Variants in PIEZO2 observed in about 807,000 individuals in gnomAD.
PIEZO2 encodes piezo type mechanosensitive ion channel component 2.
In PIEZO2, 172 loss-of-function variants were observed where a neutral mutation model predicts 337.3. The ratio of observed to expected loss-of-function variants is 0.51; its 90% confidence interval spans 0.45 to 0.58. The LOEUF is 0.58. Ranked by LOEUF, PIEZO2 falls within the 20% of genes least tolerant of loss-of-function variation. PIEZO2 has a pLI of 0.00. For missense variants in PIEZO2, 3,028 were observed against 3,391.3 expected (o/e 0.89, Z 2.66); for synonymous variants, 1,251 against 1,228.5 (o/e 1.02, Z -0.38).
At position 10,699,107 on chromosome 18, in the gene PIEZO2, A is replaced by G. The variant is rs1028063488; in HGVS notation, c.6512T>C (p.Leu2171Pro). 5.9e-6 allele frequency: 9 copies of G among 1,537,132 alleles called. No homozygotes were observed. The highest frequency in any genetic ancestry group is 3.9e-5 in the Admixed American group (2 of 50,994). The change falls in exon 44 of 56, where the codon CTC becomes CCC. Residue 2171 changes from leucine to proline, a missense_variant. Transcript: ENST00000674853. The part of the protein sequence containing the change: ...GMAREESDDE[L>P]SLGHGRRDSS... ...GTCCCTCCTGCCATGACCGAGGGAG[A>G]GCTCATCATCTGATTCCTCCCTGGC...
At chr18:11,014,316 C>T (rs1446683739) in intron 2 of PIEZO2, among the ~76,000 whole-genome samples, 4 of 72,800 alleles carry the variant, frequency 5.5e-5, no homozygotes, top group Admixed American at 2.7e-4. Context: ...GGTGGGACAG[C>T]GATCCGGGGC....
chr18:10,982,669 G>A lies in PIEZO2; in HGVS notation c.161-3009C>T, dbSNP rs1169445207. On this transcript the variant is annotated intron_variant, in intron 2 of 55. Transcript: ENST00000674853. The surrounding 1 kb of genome is among the most constrained non-coding windows in gnomAD (Gnocchi z 4.1). ...ATTTTGAAGAATACGATCGAAAGTG[G>A]GTGAGGTTGGTGTATCATAGCAGAT... Among the ~76,000 whole-genome samples, 2 of 152,052 alleles carry A rather than the reference G, an allele frequency of 1.3e-5. No homozygotes were observed. The highest frequency in any genetic ancestry group is 2.9e-5 in the Non-Finnish European group (2 of 67,998).
At chr18:10,931,663 C>G (rs1271880198) in intron 3 of PIEZO2, among the ~76,000 whole-genome samples, 1 of 151,980 alleles carries the variant, frequency 6.6e-6, no homozygotes, top group East Asian at 1.9e-4. Flanking sequence ...TTTCTGTTCT[C>G]TCTCCCTCTC....
rs188452773 is a variant in PIEZO2, at chr18:10,875,899, T to C, written c.330-4484A>G. On this transcript the variant is annotated intron_variant, in intron 4 of 55. Transcript: ENST00000674853. The stretch of plus-strand genomic sequence containing the variant: ...AAAGCAATTACTCCACCTGCTGTGA[T>C]AGAATTTAGCTACTGAATCCAGAAT... 5.9e-5 allele frequency among the ~76,000 whole-genome samples: 9 copies of C among 152,362 alleles called. No individual in the cohort carries two copies. The East Asian group carries it at 1.5e-3, about 26-fold the overall frequency.
At chr18:11,141,119 T>C (rs1024576594) in intron 1 of PIEZO2, among the ~76,000 whole-genome samples, 1 of 152,188 alleles carries the variant, frequency 6.6e-6, no homozygotes, top group Non-Finnish European at 1.5e-5. Context: ...TTGTCTTATC[T>C]AAGCATCATT....
Position 10,819,213 on chromosome 18 carries a change from A to G in PIEZO2, c.918-11939T>C, listed in dbSNP as rs997950647. ...GGAATAATTACATGGGTAATTTAAC[A>G]GTGGATTTGGATAAAACTGGAGGCA... On this transcript the variant is annotated intron_variant, in intron 7 of 55. Coordinates refer to ENST00000674853, the MANE Select transcript of PIEZO2 (RefSeq NM_001378183.1). This position sits in a 1 kb window ranked among gnomAD's most constrained non-coding sequence, Gnocchi z 4.3. Among the ~76,000 whole-genome samples, 3 of 152,242 alleles carry G rather than the reference A, an allele frequency of 2.0e-5. No individual in the cohort carries two copies. Among genetic ancestry groups the G allele is most frequent in the South Asian group, 2.1e-4 (1 of 4,830 alleles).
At position 11,109,631 on chromosome 18, in the gene PIEZO2, T is replaced by C. The variant is rs943985092; in HGVS notation, c.64+38894A>G. Reference sequence around the variant, plus strand: ...TACACCGGAGGCTGAGGCAAGAGAATTGTTTGAGCCTGGGAGGTGGAGGTT... The same window carrying C: ...TACACCGGAGGCTGAGGCAAGAGAACTGTTTGAGCCTGGGAGGTGGAGGTT... On this transcript the variant is annotated intron_variant, in intron 1 of 55. Transcript: ENST00000674853. This position sits in a 1 kb window ranked among gnomAD's most constrained non-coding sequence, Gnocchi z 5.1. Among the ~76,000 whole-genome samples the C allele has an allele frequency of 2.6e-5, 4 of 152,026 alleles. No individual in the cohort carries two copies. The highest frequency in any genetic ancestry group is 9.7e-5 in the African/African-American group (4 of 41,376).
In PIEZO2 at chr18:11,143,599, TAACACA is replaced by T. The variant is rs1490614684; in HGVS notation, c.64+4920_64+4925del. 5.1e-5 allele frequency among the ~76,000 whole-genome samples: 4 copies of T among 78,248 alleles called. No homozygotes were observed. Among genetic ancestry groups the T allele is most frequent in the African/African-American group, 1.8e-4 (4 of 22,828 alleles). 51.3% of individuals were successfully genotyped at this position (78,248 alleles called of 152,430 possible). On this transcript the variant is annotated intron_variant, in intron 1 of 55. Coordinates refer to ENST00000674853, the MANE Select transcript of PIEZO2 (RefSeq NM_001378183.1). This position sits in a 1 kb window ranked among gnomAD's most constrained non-coding sequence, Gnocchi z 4.9. ...AAAAATCCTGAGAACTAAAAATCTC[TAACACA>T]CACACACACACACACACACACACAC...
chr18:10,836,274 A>G (rs1598558003), intron 7 of PIEZO2, among the ~76,000 whole-genome samples: 1 of 152,296 alleles, frequency 6.6e-6, no homozygotes, highest in South Asian at 2.1e-4. Context: ...ACTCCTGTCT[A>G]AGCAAACAAT....
chr18:10,894,089 G>A lies in PIEZO2; in HGVS notation c.329+17097C>T, dbSNP rs761856489. On this transcript the variant is annotated intron_variant, in intron 4 of 55. Transcript: ENST00000674853. This position sits in a 1 kb window ranked among gnomAD's most constrained non-coding sequence, Gnocchi z 4.1. ...TCTCCGTATAGATAGAAAGACACCC[G>A]AAACTGGTGATCAGCAGCTTCCTGA... 2.0e-5 allele frequency among the ~76,000 whole-genome samples: 3 copies of A among 152,302 alleles called. 1 individual carries two copies. The highest frequency in any genetic ancestry group is 6.5e-5 in the Admixed American group (1 of 15,296).
At chr18:10,842,323 T>C (rs868045432) in intron 7 of PIEZO2, among the ~76,000 whole-genome samples, 3 of 152,180 alleles carry the variant, frequency 2.0e-5, no homozygotes, top group African/African-American at 7.2e-5. Flanking sequence ...ATGTTGAAAT[T>C]TGATCTCAAA....
rs182307599 is a variant in PIEZO2, at chr18:10,718,970, C to A, written c.5030-711G>T. Among the ~76,000 whole-genome samples, 208 of 149,472 alleles carry A rather than the reference C, an allele frequency of 1.4e-3. 2 individuals are homozygous for A. Among genetic ancestry groups the A allele is most frequent in the African/African-American group, 4.9e-3 (198 of 40,354 alleles). On this transcript the variant is annotated intron_variant, in intron 36 of 55. Coordinates refer to ENST00000674853, the MANE Select transcript of PIEZO2 (RefSeq NM_001378183.1). ...CTCCAGCCTGGGCAAAAGAGTGAGA[C>A]CTTGTCTAAAATAAATAAATAAATA...
At chr18:10,789,412 A>G in intron 14 of PIEZO2, 47 bp from the exon 15 acceptor site, 1 of 1,496,756 alleles carries the variant, frequency 6.7e-7, no homozygotes, top group Non-Finnish European at 8.9e-7. Flanking sequence ...TTATCTGTGC[A>G]GACCACACTT....
chr18:10,682,391 G>A lies in PIEZO2; in HGVS notation c.7498-99C>T. On this transcript the variant is annotated intron_variant, in intron 49 of 55. Coordinates refer to ENST00000674853, the MANE Select transcript of PIEZO2 (RefSeq NM_001378183.1). This position sits in a 1 kb window ranked among gnomAD's most constrained non-coding sequence, Gnocchi z 5.6. ...AGCGAGTGCTCTTCCTGTGGTGCTG[G>A]GAACATGGATTTGGCCCTGAATCTT... 9.2e-7 allele frequency: 1 copy of A among 1,082,712 alleles called. No homozygotes were observed. The highest frequency in any genetic ancestry group is 1.3e-6 in the Non-Finnish European group (1 of 771,068). 67.1% of individuals were successfully genotyped at this position (1,082,712 alleles called of 1,614,324 possible).
Position 11,105,561 on chromosome 18 carries a change from G to A in PIEZO2, c.65-39339C>T, listed in dbSNP as rs552525149. On this transcript the variant is annotated intron_variant, in intron 1 of 55. Transcript: ENST00000674853. This position sits in a 1 kb window ranked among gnomAD's most constrained non-coding sequence, Gnocchi z 4.3. ...AAAGCTTTAGGTGTGGGGTTTTGAC[G>A]AAATGAACATACTCATCCTTTATCT... 3.0e-4 allele frequency among the ~76,000 whole-genome samples: 45 copies of A among 152,034 alleles called. 1 individual carries two copies. Among genetic ancestry groups the A allele is most frequent in the South Asian group, 1.9e-3 (9 of 4,806 alleles).
Position 10,672,265 on chromosome 18 carries a change from C to T in PIEZO2, c.8345+425G>A, listed in dbSNP as rs558155092. 5.3e-5 allele frequency among the ~76,000 whole-genome samples: 8 copies of T among 152,096 alleles called. No individual in the cohort carries two copies. Among genetic ancestry groups the T allele is most frequent in the Non-Finnish European group, 8.8e-5 (6 of 68,004 alleles). On this transcript the variant is annotated intron_variant, in intron 55 of 55. Transcript: ENST00000674853. This position sits in a 1 kb window ranked among gnomAD's most constrained non-coding sequence, Gnocchi z 4.7. Reference sequence around the variant, plus strand: ...GAAATACAATATTTTACATTTGTGTCTTGTGGGGATGTGCGTGTCCTAGGA... The same window carrying T: ...GAAATACAATATTTTACATTTGTGTTTTGTGGGGATGTGCGTGTCCTAGGA...
At chr18:11,056,021 T>C (rs990038410) in intron 2 of PIEZO2, among the ~76,000 whole-genome samples, 1 of 152,142 alleles carries the variant, frequency 6.6e-6, no homozygotes, top group Admixed American at 6.5e-5. Flanking sequence ...AGGAGGGTTA[T>C]GGGGCAATTC....
intron 1 of PIEZO2, among the ~76,000 whole-genome samples, chr18:11,120,179 T>C (rs2039991596): frequency 6.6e-6 from 1 of 152,234 alleles, no homozygotes; most frequent in Non-Finnish European, 1.5e-5. Context: ...ATTTGTTATG[T>C]AATACTTGGT....
chr18:10,683,230 A>C (rs370150110), intron 49 of PIEZO2, among the ~76,000 whole-genome samples: 272 of 152,382 alleles, frequency 1.8e-3, no homozygotes, highest in Non-Finnish European at 3.2e-3. Context: ...ACATTTACCC[A>C]TAGGCACTAG....
Sources: gnomAD v4.1 joint callset for allele counts (sites outside exome capture counted in the v4.1 genomes callset) on GRCh38, gnomAD v4.1.1 for gene constraint, Gnocchi (gnomAD v3.1) non-coding constraint, MANE v1.5 for transcripts, NCBI Gene and HGNC (gene_info 2026-07-23, HGNC 2026-07-21) for gene names.